Variants in EFCAB6 observed in about 807,000 individuals in gnomAD.
EFCAB6 encodes the protein EF-hand calcium binding domain 6.
EFCAB6 carries 156 observed loss-of-function variants against 169.8 expected under a neutral mutation model. The observed-to-expected ratio is 0.92, with a 90% CI of 0.81 to 1.05. EFCAB6 has a LOEUF of 1.05. Ranked by LOEUF, EFCAB6 falls within the 50% of genes least tolerant of loss-of-function variation. EFCAB6 has a pLI of 0.00. For missense variants in EFCAB6, 1,800 were observed against 1,829.1 expected (o/e 0.98, Z 0.29); for synonymous variants, 698 against 676.4 (o/e 1.03, Z -0.50).
chr22:43,683,517 T>G, intron 12 of EFCAB6: 1 of 516,454 alleles, frequency 1.9e-6, no homozygotes, highest in Non-Finnish European at 3.5e-6. Context: ...CCTATGTTAC[T>G]GTATTGCAAT....
At chr22:43,646,102 T>C (rs137746) in intron 17 of EFCAB6, among the ~76,000 whole-genome samples, 28,753 of 152,124 alleles carry the variant, frequency 0.19, 3,585 homozygotes, top group African/African-American at 0.36. Context: ...CGTGCCTACT[T>C]CAACTTCAGA....
intron 22 of EFCAB6, among the ~76,000 whole-genome samples, chr22:43,604,880 CG>C (rs1442414474): frequency 6.6e-6 from 1 of 152,218 alleles, no homozygotes; most frequent in Non-Finnish European, 1.5e-5. Context: ...GTTTCACACA[CG>C]CAAGGATCTC....
chr22:43,811,818 A>G (rs1292127877), intron 1 of EFCAB6, among the ~76,000 whole-genome samples: 1 of 152,176 alleles, frequency 6.6e-6, no homozygotes, highest in Non-Finnish European at 1.5e-5. Flanking sequence ...ACATGTTGTA[A>G]ACTGGAGAGA....
At chr22:43,759,352 T>A (rs2061071555) in intron 5 of EFCAB6, 1 of 152,222 alleles carries the variant, frequency 6.6e-6, no homozygotes, top group African/African-American at 2.4e-5. Context: ...AGTCTTCTTG[T>A]GTGGTGCTCA....
chr22:43,731,972 AT>A (rs549310408), intron 7 of EFCAB6, among the ~76,000 whole-genome samples, 161 bp from the exon 8 acceptor site: 10 of 149,222 alleles, frequency 6.7e-5, no homozygotes, highest in African/African-American at 9.8e-5. Flanking sequence ...TTACTGTCAG[AT>A]TTTTTTTTTA....
In EFCAB6 at chr22:43,782,229, A is replaced by C; in HGVS notation, c.90T>G (p.Cys30Trp). ...GGGAACCATTCCTTGAATATACTCT[A>C]CACGGTGAAGAATGGGGTCTTGAAT... ...FTHSRPHSSPCRVYSRNGSPN... is the reference protein window; with the variant it reads ...FTHSRPHSSPWRVYSRNGSPN... The change falls in exon 3 of 32, where the codon TGT becomes TGG. Residue 30 changes from cysteine to tryptophan, a missense_variant. By Grantham distance (215) the Cys-to-Trp change is radical (BLOSUM62 -2). Coordinates refer to ENST00000262726, the MANE Select transcript of EFCAB6 (RefSeq NM_022785.4). 6.2e-7 allele frequency: 1 copy of C among 1,614,110 alleles called. No homozygotes were observed. The highest frequency in any genetic ancestry group is 8.5e-7 in the Non-Finnish European group (1 of 1,179,962).
At chr22:43,778,888 T>TA (rs1296642981) in intron 3 of EFCAB6, among the ~76,000 whole-genome samples, 3 of 150,544 alleles carry the variant, frequency 2.0e-5, no homozygotes, top group Non-Finnish European at 4.5e-5. Context: ...TATCTGGCAT[T>TA]ACTTTTTTTT....
intron 23 of EFCAB6, among the ~76,000 whole-genome samples, chr22:43,592,559 G>A (rs2051638420): frequency 6.6e-6 from 1 of 152,214 alleles, no homozygotes; most frequent in Non-Finnish European, 1.5e-5. Context: ...TATGTGCACA[G>A]AGTAAATGAG....
chr22:43,758,821 C>A (rs1048298613), intron 5 of EFCAB6, among the ~76,000 whole-genome samples: 1 of 152,164 alleles, frequency 6.6e-6, no homozygotes, highest in Non-Finnish European at 1.5e-5. Flanking sequence ...AAAATGTTTT[C>A]TTACTTTTTA....
At chr22:43,578,883 C>CA (rs963972348) in intron 25 of EFCAB6, among the ~76,000 whole-genome samples, 6 of 151,060 alleles carry the variant, frequency 4.0e-5, no homozygotes, top group Admixed American at 4.0e-4. Flanking sequence ...TCATTGTCTA[C>CA]ATGCAAGCAT....
intron 26 of EFCAB6, among the ~76,000 whole-genome samples, chr22:43,571,680 AG>A (rs2049884023): frequency 6.6e-6 from 1 of 152,176 alleles, no homozygotes; most frequent in Non-Finnish European, 1.5e-5. Context: ...TAAACTCTGC[AG>A]CCAATGTTGC....
intron 7 of EFCAB6, among the ~76,000 whole-genome samples, chr22:43,733,937 G>C (rs1169911304): frequency 1.3e-5 from 2 of 152,140 alleles, no homozygotes; most frequent in South Asian, 2.1e-4. Context: ...TCAATCTCTT[G>C]ACCTCATGAT....
chr22:43,773,937 T>C (rs1211634407), intron 3 of EFCAB6, among the ~76,000 whole-genome samples: 1 of 152,132 alleles, frequency 6.6e-6, no homozygotes, highest in African/African-American at 2.4e-5. Flanking sequence ...TTGACTAACG[T>C]TTTAGGTCCC....
intron 20 of EFCAB6, among the ~76,000 whole-genome samples, chr22:43,624,018 C>T (rs994287742): frequency 2.6e-5 from 4 of 152,148 alleles, no homozygotes; most frequent in South Asian, 2.1e-4. Flanking sequence ...AGGAGGTGGC[C>T]CCTCCCAACA....
chr22:43,674,871 C>A (rs1264089238), intron 13 of EFCAB6, among the ~76,000 whole-genome samples: 3 of 152,096 alleles, frequency 2.0e-5, no homozygotes, highest in Non-Finnish European at 2.9e-5. Context: ...CGCAGGTGCA[C>A]AAGCTCCTAC....
chr22:43,738,492 T>G (rs547507316), intron 6 of EFCAB6, among the ~76,000 whole-genome samples: 1 of 147,646 alleles, frequency 6.8e-6, no homozygotes, highest in East Asian at 2.0e-4. Flanking sequence ...CACACACACA[T>G]GCACATATAC....
chr22:43,531,783 G>A (rs2047082271), intron 30 of EFCAB6, among the ~76,000 whole-genome samples: 1 of 152,166 alleles, frequency 6.6e-6, no homozygotes, highest in Non-Finnish European at 1.5e-5. Flanking sequence ...GGAAGAGAGG[G>A]TGTGGGGCTC....
At chr22:43,701,900 C>G (rs2058779966) in intron 10 of EFCAB6, among the ~76,000 whole-genome samples, 1 of 151,896 alleles carries the variant, frequency 6.6e-6, no homozygotes, top group Non-Finnish European at 1.5e-5. Flanking sequence ...AAATAACAGG[C>G]TAAGAAAAAT....
At chr22:43,786,103 C>T (rs2062065684) in intron 2 of EFCAB6, among the ~76,000 whole-genome samples, 1 of 152,176 alleles carries the variant, frequency 6.6e-6, no homozygotes, top group African/African-American at 2.4e-5. Flanking sequence ...TGGCTCACAC[C>T]TGTAATCCCA....
Sources: gnomAD v4.1 joint callset for allele counts (sites outside exome capture counted in the v4.1 genomes callset) on GRCh38, gnomAD v4.1.1 for gene constraint, MANE v1.5 for transcripts, NCBI Gene and HGNC (gene_info 2026-07-23, HGNC 2026-07-21) for gene names.